Variants in STK10 observed in about 807,000 individuals in gnomAD.
STK10 encodes serine/threonine-protein kinase 10.
STK10 carries 78 observed loss-of-function variants against 113.8 expected under a neutral mutation model. The observed-to-expected ratio is 0.69, with a 90% confidence interval of 0.57 to 0.83. The LOEUF (loss-of-function observed/expected upper bound fraction) is 0.83. STK10 is among the 40% of genes least tolerant of loss of function. STK10 has a pLI of 0.00. For synonymous variants in STK10, 465 were observed against 494.7 expected (o/e 0.94, Z 0.80); for missense variants, 1,109 against 1,280.1 (o/e 0.87, Z 2.04).
In STK10 at chr5:172,048,827, AG is replaced by A. The variant is rs1327434457; in HGVS notation, c.2767-3806del. ...ACAGAGTAAAAGCCAGACTTTACGC[AG>A]GCCCCCCACCCCTCTGACTTTACCT... On this transcript the variant is annotated intron_variant, in intron 18 of 18. Transcript: ENST00000176763. 1.3e-4 allele frequency among the ~76,000 whole-genome samples: 19 copies of A among 150,266 alleles called. No homozygotes were observed. The East Asian group carries it at 1.4e-3, about 11-fold the overall frequency.
At position 172,137,997 on chromosome 5, in the gene STK10, G is replaced by A. The variant is rs139205055; in HGVS notation, c.322-10576C>T. Among the ~76,000 whole-genome samples, 429 of 151,658 alleles carry A rather than the reference G, an allele frequency of 2.8e-3. 3 individuals are homozygous for A. Among genetic ancestry groups the A allele is most frequent in the African/African-American group, 9.7e-3 (401 of 41,340 alleles). On this transcript the variant is annotated intron_variant, in intron 2 of 18. Coordinates refer to ENST00000176763, the MANE Select transcript of STK10 (RefSeq NM_005990.4). ...CTGAAAGCTTTTCCTCCAAGATCAC[G>A]AACAAGGCAAAAATGCCCACGCTCA... is the stretch of plus-strand genomic sequence containing the variant.
At chr5:172,144,206 C>T (rs1420848076) in intron 2 of STK10, among the ~76,000 whole-genome samples, 4 of 152,236 alleles carry the variant, frequency 2.6e-5, no homozygotes, top group African/African-American at 7.2e-5. Context: ...AGAGTATAGA[C>T]CAAGGTCAGT....
At chr5:172,131,866 G>C (rs555640294) in intron 2 of STK10, among the ~76,000 whole-genome samples, 3 of 152,188 alleles carry the variant, frequency 2.0e-5, no homozygotes, top group Non-Finnish European at 2.9e-5. Flanking sequence ...GGGACCAACA[G>C]TAATGGGAGG....
chr5:172,115,785 T>C (rs1425167014), intron 4 of STK10, among the ~76,000 whole-genome samples: 1 of 152,176 alleles, frequency 6.6e-6, no homozygotes, highest in African/African-American at 2.4e-5. Flanking sequence ...GAGAATGGAA[T>C]GAGTTAACAC....
chr5:172,132,329 ATTTTTAATT>A (rs67918130), intron 2 of STK10, among the ~76,000 whole-genome samples: 30,430 of 151,624 alleles, frequency 0.2, 3,156 homozygotes, highest in Non-Finnish European at 0.25. Flanking sequence ...TGACTTTTAA[ATTTTTAATT>A]TTTTTAATTT....
At chr5:172,106,589 C>G in intron 6 of STK10, 31 bp downstream of exon 6, 2 of 1,598,568 alleles carry the variant, frequency 1.3e-6, no homozygotes, top group South Asian at 2.2e-5. Context: ...GCGCAGGCAC[C>G]CCGGCAGGTG....
intron 12 of STK10, among the ~76,000 whole-genome samples, chr5:172,075,661 CA>C (rs1768290684): frequency 6.6e-6 from 1 of 152,034 alleles, no homozygotes; most frequent in African/African-American, 2.4e-5. Context: ...GCCTGGGCGA[CA>C]AGAGCGAAAC....
chr5:172,096,677 T>G, intron 7 of STK10, 117 bp from the exon 8 acceptor site: 4 of 1,406,400 alleles, frequency 2.8e-6, no homozygotes. Flanking sequence ...GAGCAAAATG[T>G]GCACATGAAC....
chr5:172,114,463 A>G (rs1769323271), intron 4 of STK10: 1 of 31,576 alleles, frequency 3.2e-5, no homozygotes, highest in African/African-American at 1.4e-4. Flanking sequence ...ATATATATAT[A>G]TATATATATA....
At chr5:172,178,877 G>A (rs949957249) in intron 1 of STK10, among the ~76,000 whole-genome samples, 2 of 152,174 alleles carry the variant, frequency 1.3e-5, no homozygotes, top group Admixed American at 6.5e-5. Context: ...CAACGTCTGG[G>A]GACACTTTTG....
At chr5:172,085,028 T>C (rs906450525) in intron 10 of STK10, among the ~76,000 whole-genome samples, 6 of 152,162 alleles carry the variant, frequency 3.9e-5, no homozygotes, top group Admixed American at 1.3e-4. Flanking sequence ...GAGGATCACT[T>C]GAGCTCAGGA....
At chr5:172,127,447 C>T in intron 2 of STK10, 26 bp from the exon 3 acceptor site, 1 of 1,612,712 alleles carries the variant, frequency 6.2e-7, no homozygotes, top group Non-Finnish European at 8.5e-7. Flanking sequence ...GGCAAAGTGA[C>T]AATGAGTGGG....
chr5:172,066,539 C>A (rs557929687), intron 12 of STK10, among the ~76,000 whole-genome samples: 27 of 152,334 alleles, frequency 1.8e-4, no homozygotes, highest in Non-Finnish European at 3.5e-4. Flanking sequence ...GTAATCCCAG[C>A]ACTTTGGGAG....
At position 172,188,148 on chromosome 5, in the gene STK10, G is replaced by A. The variant is rs546093172; in HGVS notation, c.-106C>T. 20 of 1,490,660 alleles carry A rather than the reference G, an allele frequency of 1.3e-5. No individual in the cohort carries two copies. In the South Asian group the frequency reaches 1.9e-4, roughly 14 times the overall value. The allele number at this position is 1,490,660 out of a possible 1,614,324, so 92.3% of individuals were successfully genotyped here. ...GGAGTTGGAGGACGCCGCGTCTCTC[G>A]GGGTTCTCCCCAGACCCGCCTTTCC... On this transcript the variant is annotated 5_prime_UTR_variant, in exon 1 of 19. Coordinates refer to ENST00000176763, the MANE Select transcript of STK10 (RefSeq NM_005990.4). This position sits in a 1 kb window ranked among gnomAD's most constrained non-coding sequence, Gnocchi z 5.6.
intron 1 of STK10, among the ~76,000 whole-genome samples, chr5:172,183,605 G>A (rs1240133920): frequency 3.3e-5 from 5 of 151,964 alleles, no homozygotes; most frequent in Middle Eastern, 3.4e-3. Flanking sequence ...ACAGGCATGC[G>A]CCACCACGCC....
intron 18 of STK10, among the ~76,000 whole-genome samples, chr5:172,050,994 C>T (rs1767614225): frequency 6.6e-6 from 1 of 151,940 alleles, no homozygotes; most frequent in African/African-American, 2.4e-5. Flanking sequence ...TGCCTGTAAT[C>T]CCAGCTGCTC....
At chr5:172,172,652 C>T (rs1337098804) in intron 1 of STK10, among the ~76,000 whole-genome samples, 4 of 152,212 alleles carry the variant, frequency 2.6e-5, no homozygotes, top group Non-Finnish European at 4.4e-5. Flanking sequence ...TGCTGAGCTG[C>T]GACTTGTAAG....
At chr5:172,177,334 T>A (rs35611734) in intron 1 of STK10, among the ~76,000 whole-genome samples, 66,035 of 152,106 alleles carry the variant, frequency 0.43, 17,211 homozygotes, top group African/African-American at 0.74. Flanking sequence ...CCAAACTATG[T>A]GAAATAAAAT....
At chr5:172,095,187 C>T (rs185117440) in intron 8 of STK10, among the ~76,000 whole-genome samples, 15 of 152,276 alleles carry the variant, frequency 9.9e-5, no homozygotes, top group South Asian at 6.2e-4. Flanking sequence ...TGCCAGCCAC[C>T]GGTTTTTAAC....
Sources: gnomAD v4.1 joint callset for allele counts (sites outside exome capture counted in the v4.1 genomes callset) on GRCh38, gnomAD v4.1.1 for gene constraint, Gnocchi (gnomAD v3.1) non-coding constraint, MANE v1.5 for transcripts, NCBI Gene and HGNC (gene_info 2026-07-23, HGNC 2026-07-21) for gene names.